KIAA0232: variants seen among roughly 807,000 people sequenced by gnomAD.
KIAA0232 encodes KIAA0232, also known as uncharacterized protein KIAA0232.
KIAA0232 carries 27 observed loss-of-function variants against 122.0 expected under a neutral mutation model. That is an observed-to-expected ratio of 0.22 (90% CI 0.16 to 0.31). The LOEUF (loss-of-function observed/expected upper bound fraction) is 0.31. Ranked by LOEUF, KIAA0232 falls within the 10% of genes least tolerant of loss-of-function variation. KIAA0232 has a pLI of 1.00. For synonymous variants in KIAA0232, 613 were observed against 587.6 expected (o/e 1.04, Z -0.63); for missense variants, 1,551 against 1,634.2 (o/e 0.95, Z 0.88).
intron 3 of KIAA0232, among the ~76,000 whole-genome samples, chr4:6,829,014 A>G (rs1041020073): frequency 4.0e-5 from 6 of 151,796 alleles, no homozygotes; most frequent in African/African-American, 1.5e-4. Context: ...GAGATTATGC[A>G]TCGACTTTAA....
In KIAA0232 at chr4:6,831,553, G is replaced by C. The variant is rs116723815; in HGVS notation, c.231+6869G>C. On this transcript the variant is annotated intron_variant, in intron 3 of 9. Transcript: ENST00000307659. ...CATGGATTCTGTACAAGAATAAGAG[G>C]TTTTTTTCCCTAAACTTTTTATTGA... Among the ~76,000 whole-genome samples, 815 of 152,192 alleles carry C rather than the reference G, an allele frequency of 5.4e-3. 6 individuals are homozygous for C. Among genetic ancestry groups the C allele is most frequent in the Non-Finnish European group, 8.9e-3 (603 of 68,006 alleles).
At chr4:6,864,274 A>G (rs1039444561) in intron 7 of KIAA0232, 91 bp downstream of exon 7, 1 of 1,373,158 alleles carries the variant, frequency 7.3e-7, no homozygotes, top group South Asian at 1.5e-5. Context: ...ATAGGGTTAA[A>G]TTATTGGGAA....
rs906445174 is a variant in KIAA0232 at position 6,883,058 on chromosome 4, A to G, written c.*2092A>G. 3 of 152,540 alleles carry G rather than the reference A, an allele frequency of 2.0e-5. No homozygotes were observed. The highest frequency in any genetic ancestry group is 4.4e-5 in the Non-Finnish European group (3 of 68,046). The allele number at this position is 152,540 out of a possible 1,614,324, so 9.4% of individuals were successfully genotyped here. A position where few individuals can be genotyped will look rare whatever the true frequency, so the allele number is the denominator to read the frequency against. ...GAGCAAAGGGATTCACAAATTATGT[A>G]TTTATTTGTTTTCATAGTTAAGTAG... On this transcript the variant is annotated 3_prime_UTR_variant, in exon 10 of 10. Coordinates refer to ENST00000307659, the MANE Select transcript of KIAA0232 (RefSeq NM_014743.3).
chr4:6,810,233 T>C (rs924181267), intron 2 of KIAA0232, among the ~76,000 whole-genome samples: 1 of 152,164 alleles, frequency 6.6e-6, no homozygotes, highest in African/African-American at 2.4e-5. Context: ...AATAGATGTA[T>C]AGACAATGGC....
In KIAA0232 at chr4:6,880,850, T is replaced by C; in HGVS notation, c.4072T>C (p.Phe1358Leu). The C allele has an allele frequency of 6.2e-7, 1 of 1,607,588 alleles. No individual in the cohort carries two copies. The highest frequency in any genetic ancestry group is 1.1e-5 in the South Asian group (1 of 89,540). ...AGATTCTGGAGCAAAGTCAGATGGCTTCCGCGGAAAGATGTGCTCCAGCGC... is the reference window on the plus strand; with the variant it reads ...AGATTCTGGAGCAAAGTCAGATGGCCTCCGCGGAAAGATGTGCTCCAGCGC... ...ERDSGAKSDG[F>L]RGKMCSSASS... Residue 1358 changes from phenylalanine to leucine, a missense_variant, in exon 10 of 10, where the codon TTC becomes CTC. Phe to Leu is a conservative substitution (Grantham distance 22). Around this residue, in one of 5 missense-constraint regions of KIAA0232, gnomAD observed 1,108 missense variants for 1,154.8 expected, o/e 0.96. Coordinates refer to ENST00000307659, the MANE Select transcript of KIAA0232 (RefSeq NM_014743.3).
At chr4:6,784,191 C>G (rs1258795227) in intron 1 of KIAA0232, among the ~76,000 whole-genome samples, 1 of 151,378 alleles carries the variant, frequency 6.6e-6, no homozygotes, top group Admixed American at 6.6e-5. Flanking sequence ...TAATAATTAC[C>G]TGGGTTGGAT....
chr4:6,854,731 G>A (rs1720482000), intron 4 of KIAA0232, among the ~76,000 whole-genome samples: 2 of 152,202 alleles, frequency 1.3e-5, no homozygotes, highest in African/African-American at 4.8e-5. Context: ...CAATTCATGA[G>A]TTCAGTGGTG....
intron 7 of KIAA0232, among the ~76,000 whole-genome samples, chr4:6,865,955 C>T (rs149367381): frequency 3.1e-4 from 47 of 152,198 alleles, no homozygotes; most frequent in Non-Finnish European, 6.8e-4. Flanking sequence ...ACTTATTTGT[C>T]GCATCAGAGT....
intron 7 of KIAA0232, chr4:6,866,153 A>G (rs1479777066): frequency 1.2e-6 from 1 of 840,468 alleles, no homozygotes; most frequent in Non-Finnish European, 1.4e-6. Flanking sequence ...TTCATCCTTA[A>G]ATATTCCTTT....
chr4:6,862,597 G>A lies in KIAA0232; in HGVS notation c.2215G>A (p.Ala739Thr), dbSNP rs766316465. The change falls in exon 7 of 10, where the codon GCC becomes ACC. Residue 739 changes from alanine to threonine, a missense_variant. Physicochemically the swap from Ala to Thr is moderately conservative, Grantham distance 58 (BLOSUM62 0). Around this residue, in one of 5 missense-constraint regions of KIAA0232, gnomAD observed 1,108 missense variants for 1,154.8 expected, o/e 0.96. Coordinates refer to ENST00000307659, the MANE Select transcript of KIAA0232 (RefSeq NM_014743.3). ...IQFEESTQFN[A>T]EDINYVVPRV... ...GTTTGAAGAATCCACACAGTTTAATGCCGAAGATATTAATTATGTAGTTCC... is the reference window on the plus strand; with the variant it reads ...GTTTGAAGAATCCACACAGTTTAATACCGAAGATATTAATTATGTAGTTCC... 1 of 1,613,838 alleles carries A rather than the reference G, an allele frequency of 6.2e-7. No individual in the cohort carries two copies. The highest frequency in any genetic ancestry group is 8.5e-7 in the Non-Finnish European group (1 of 1,179,918).
At chr4:6,851,596 C>G (rs1490038781) in intron 4 of KIAA0232, among the ~76,000 whole-genome samples, 3 of 151,620 alleles carry the variant, frequency 2.0e-5, no homozygotes, top group African/African-American at 7.3e-5. Context: ...GCCTGAGTCC[C>G]CAGCTACTTG....
At chr4:6,785,651 G>T (rs191817623) in intron 1 of KIAA0232, among the ~76,000 whole-genome samples, 1 of 152,104 alleles carries the variant, frequency 6.6e-6, no homozygotes, top group East Asian at 1.9e-4. Flanking sequence ...TCCATTCTTT[G>T]CCTGGCTGCC....
chr4:6,816,947 C>G (rs1472637909), intron 2 of KIAA0232, among the ~76,000 whole-genome samples: 2 of 152,192 alleles, frequency 1.3e-5, no homozygotes, highest in African/African-American at 4.8e-5. Context: ...TCTCACCTCT[C>G]TCATTCCTGA....
At chr4:6,859,902 C>G (rs1425378271) in intron 6 of KIAA0232, among the ~76,000 whole-genome samples, 1 of 152,194 alleles carries the variant, frequency 6.6e-6, no homozygotes, top group Non-Finnish European at 1.5e-5. Flanking sequence ...TGAAACCAGC[C>G]TCCCTGGCTT....
intron 1 of KIAA0232, among the ~76,000 whole-genome samples, chr4:6,802,182 T>C (rs575309418): frequency 1.3e-5 from 2 of 152,338 alleles, no homozygotes; most frequent in South Asian, 2.1e-4. Flanking sequence ...TGCCCAATTA[T>C]AGCATAGCCT....
intron 4 of KIAA0232, among the ~76,000 whole-genome samples, chr4:6,845,517 C>T (rs889053979): frequency 2.0e-5 from 3 of 151,708 alleles, no homozygotes; most frequent in Non-Finnish European, 4.4e-5. Flanking sequence ...CTTTATGACA[C>T]CTAAAGGGAG....
chr4:6,822,263 T>C (rs1718458983), intron 2 of KIAA0232, among the ~76,000 whole-genome samples: 1 of 152,180 alleles, frequency 6.6e-6, no homozygotes, highest in Admixed American at 6.5e-5. Flanking sequence ...TCAGAAAAGA[T>C]AATATAGTAG....
intron 4 of KIAA0232, among the ~76,000 whole-genome samples, chr4:6,848,430 G>A (rs943668396): frequency 6.6e-6 from 1 of 152,170 alleles, no homozygotes; most frequent in African/African-American, 2.4e-5. Context: ...GGATGATTGT[G>A]TCTGTGCTGA....
intron 2 of KIAA0232, among the ~76,000 whole-genome samples, chr4:6,807,393 C>T (rs1717689858): frequency 6.6e-6 from 1 of 152,136 alleles, no homozygotes; most frequent in Non-Finnish European, 1.5e-5. Flanking sequence ...GTGTTTATTT[C>T]TGATGACTAG....
Sources: allele counts gnomAD v4.1 joint callset (sites outside exome capture counted in the v4.1 genomes callset), GRCh38; gene constraint gnomAD v4.1.1; regional missense constraint gnomAD v4.1.1; transcripts MANE v1.5; gene names NCBI Gene and HGNC (gene_info 2026-07-23, HGNC 2026-07-21).